OLA1: variants seen among roughly 807,000 people sequenced by gnomAD.
The protein encoded by OLA1 is obg-like ATPase 1.
A neutral mutation model predicts 48.4 loss-of-function variants in OLA1; 14 were observed. That is an observed-to-expected ratio of 0.29 (90% CI 0.19 to 0.45). The LOEUF is 0.45. Among genes scored for constraint, OLA1 ranks in the 20% least tolerant of loss-of-function variants. OLA1 has a pLI of 1.00. For missense variants in OLA1, 325 were observed against 467.1 expected (o/e 0.70, Z 2.80); for synonymous variants, 127 against 150.4 (o/e 0.84, Z 1.14).
intron 4 of OLA1, among the ~76,000 whole-genome samples, chr2:174,215,325 C>T (rs1243655037): frequency 6.6e-6 from 1 of 152,054 alleles, no homozygotes; most frequent in East Asian, 1.9e-4. Flanking sequence ...AATATGTAAA[C>T]TCCTGAACTT....
chr2:174,170,634 C>A (rs1687277156), intron 4 of OLA1, among the ~76,000 whole-genome samples: 1 of 152,166 alleles, frequency 6.6e-6, no homozygotes, highest in Non-Finnish European at 1.5e-5. Flanking sequence ...CAGTGGCTCA[C>A]ACTAGTAATC....
At chr2:174,204,235 A>T (rs2105435125) in intron 4 of OLA1, among the ~76,000 whole-genome samples, 1 of 152,118 alleles carries the variant, frequency 6.6e-6, no homozygotes, top group Admixed American at 6.5e-5. Flanking sequence ...CCCCGTCTCC[A>T]CTAAAATTAC....
chr2:174,082,145 C>G (rs181742980), intron 7 of OLA1, 81 bp from the exon 8 acceptor site: 3 of 1,464,550 alleles, frequency 2.0e-6, no homozygotes, highest in African/African-American at 2.8e-5. Context: ...GTAGCACATA[C>G]ATATTCATAA....
chr2:174,184,952 A>G (rs1687621109), intron 4 of OLA1, among the ~76,000 whole-genome samples: 2 of 152,244 alleles, frequency 1.3e-5, no homozygotes, highest in African/African-American at 4.8e-5. Context: ...TATATTAGCT[A>G]GGATAAATAA....
intron 7 of OLA1, among the ~76,000 whole-genome samples, 176 bp from the exon 8 acceptor site, chr2:174,082,240 A>G (rs748673422): frequency 6.6e-6 from 1 of 152,124 alleles, no homozygotes; most frequent in Admixed American, 6.6e-5. Flanking sequence ...CTTCAGGTAT[A>G]CGCCATAGTA....
intron 7 of OLA1, among the ~76,000 whole-genome samples, chr2:174,102,733 C>T (rs147852646): frequency 2.6e-5 from 4 of 152,284 alleles, no homozygotes; most frequent in Admixed American, 2.6e-4. Context: ...AGGCATTTTA[C>T]ATATGCCATT....
At chr2:174,206,823 G>A (rs1315778146) in intron 4 of OLA1, among the ~76,000 whole-genome samples, 1 of 152,056 alleles carries the variant, frequency 6.6e-6, no homozygotes, top group African/African-American at 2.4e-5. Flanking sequence ...TTGTACTGAA[G>A]AAACAAAGAA....
Position 174,246,773 on chromosome 2 carries a change from T to G in OLA1, c.43A>C (p.Ile15Leu). 8 of 1,613,222 alleles carry G rather than the reference T, an allele frequency of 5.0e-6. No individual in the cohort carries two copies. The highest frequency in any genetic ancestry group is 6.8e-6 in the Non-Finnish European group (8 of 1,179,466). Reference sequence around the variant, plus strand: ...AGTGAGGTTCCAAATCTTCCAATGATTGGGGGTGGTTTAATTCCATCACCT... The same window carrying G: ...AGTGAGGTTCCAAATCTTCCAATGAGTGGGGGTGGTTTAATTCCATCACCT... ...KGGDGIKPPP[I>L]IGRFGTSLKI... Residue 15 changes from isoleucine to leucine, a missense_variant, in exon 2 of 11, where the codon ATC becomes CTC. Ile to Leu is a conservative substitution (Grantham distance 5). Coordinates refer to ENST00000284719, the MANE Select transcript of OLA1 (RefSeq NM_013341.5).
At chr2:174,082,114 T>C (rs1684869871) in intron 7 of OLA1, 50 bp from the exon 8 acceptor site, 3 of 1,584,004 alleles carry the variant, frequency 1.9e-6, no homozygotes, top group South Asian at 1.1e-5. Context: ...TGCATGACTG[T>C]ACCACATTCA....
At position 174,074,007 on chromosome 2, in the gene OLA1, A is replaced by C. The variant is rs771856331; in HGVS notation, c.*1419T>G. 1 of 152,224 alleles carries C rather than the reference A, an allele frequency of 6.6e-6. No individual in the cohort carries two copies. The highest frequency in any genetic ancestry group is 1.5e-5 in the Non-Finnish European group (1 of 68,038). 9.4% of individuals were successfully genotyped at this position (152,224 alleles called of 1,614,324 possible). On this transcript the variant is annotated 3_prime_UTR_variant, in exon 11 of 11. Coordinates refer to ENST00000284719, the MANE Select transcript of OLA1 (RefSeq NM_013341.5). ...AAAAAATACTCACTGGAGAGCTTCT[A>C]AATTATACTCACGACTCAACCTCAT...
At chr2:174,117,635 C>T (rs1685813996) in intron 7 of OLA1, among the ~76,000 whole-genome samples, 1 of 152,134 alleles carries the variant, frequency 6.6e-6, no homozygotes, top group Non-Finnish European at 1.5e-5. Flanking sequence ...ACATGCTGCA[C>T]AGGAAAGAAC....
intron 7 of OLA1, 116 bp from the exon 8 acceptor site, chr2:174,082,180 T>C: frequency 5.4e-6 from 6 of 1,111,432 alleles, no homozygotes; most frequent in Non-Finnish European, 7.9e-6. Flanking sequence ...TATGATGCCA[T>C]CTTTTTGTAT....
At chr2:174,103,308 G>C (rs1419016449) in intron 7 of OLA1, among the ~76,000 whole-genome samples, 1 of 152,070 alleles carries the variant, frequency 6.6e-6, no homozygotes, top group Admixed American at 6.6e-5. Flanking sequence ...AATATTTTGT[G>C]ACAGTGAAAT....
At chr2:174,098,795 G>A (rs1008946113) in intron 7 of OLA1, among the ~76,000 whole-genome samples, 3 of 152,164 alleles carry the variant, frequency 2.0e-5, no homozygotes, top group Admixed American at 6.5e-5. Flanking sequence ...TGCTCAACAT[G>A]TATTAGCTAT....
rs575397768 is a variant in OLA1, at chr2:174,201,090, T to C, written c.373+21943A>G. 5.3e-5 allele frequency among the ~76,000 whole-genome samples: 8 copies of C among 152,334 alleles called. No homozygotes were observed. In the East Asian group the frequency reaches 5.8e-4, roughly 11 times the overall value. On this transcript the variant is annotated intron_variant, in intron 4 of 10. Transcript: ENST00000284719. ...TCCACTCTATTCCTAGAAATGCTTG[T>C]CGGCATCAAAGTATCATCACGAGTA...
intron 4 of OLA1, among the ~76,000 whole-genome samples, chr2:174,160,175 T>C (rs1686978029): frequency 6.6e-6 from 1 of 152,112 alleles, no homozygotes; most frequent in Admixed American, 6.5e-5. Context: ...TTAAAACAAT[T>C]TCTGAATTTT....
chr2:174,146,876 C>T (rs1057210231), intron 4 of OLA1, among the ~76,000 whole-genome samples: 14 of 152,064 alleles, frequency 9.2e-5, no homozygotes, highest in Non-Finnish European at 1.9e-4. Flanking sequence ...GTAAGAAACC[C>T]TAAGATTTCC....
intron 4 of OLA1, among the ~76,000 whole-genome samples, chr2:174,194,345 T>C (rs551397643): frequency 6.6e-6 from 1 of 152,320 alleles, no homozygotes; most frequent in South Asian, 2.1e-4. Flanking sequence ...CCTTCACTAA[T>C]CTGTCCCAAT....
intron 5 of OLA1, chr2:174,124,316 A>C (rs1341592178): frequency 1.3e-5 from 2 of 148,204 alleles, no homozygotes; most frequent in Non-Finnish European, 2.9e-5. Context: ...ATTCACTTTC[A>C]GAACATCTCT....
Sources: gnomAD v4.1 joint callset for allele counts (sites outside exome capture counted in the v4.1 genomes callset) on GRCh38, gnomAD v4.1.1 for gene constraint, MANE v1.5 for transcripts, NCBI Gene and HGNC (gene_info 2026-07-23, HGNC 2026-07-21) for gene names.